CSMD1: variants seen among roughly 807,000 people sequenced by gnomAD.
CSMD1 encodes CUB and Sushi multiple domains 1, also known as CUB and sushi domain-containing protein 1.
In CSMD1, 213 loss-of-function variants were observed where a neutral mutation model predicts 417.5. The observed-to-expected ratio is 0.51, with a 90% CI of 0.46 to 0.57. The LOEUF (loss-of-function observed/expected upper bound fraction) is 0.57. CSMD1 is among the 20% of genes least tolerant of loss of function. CSMD1 has a pLI of 0.00. For missense variants in CSMD1, 6,923 were observed against 4,529.7 expected (o/e 1.53, Z -15.17); for synonymous variants, 2,862 against 1,736.8 (o/e 1.65, Z -16.11).
intron 52 of CSMD1, among the ~76,000 whole-genome samples, chr8:3,004,112 G>C (rs1408465179): frequency 6.6e-6 from 1 of 152,034 alleles, no homozygotes; most frequent in African/African-American, 2.4e-5. Context: ...ATGAACGTGG[G>C]GTGAGGGCAG....
At chr8:4,197,224 G>A (rs913997413) in intron 3 of CSMD1, among the ~76,000 whole-genome samples, 1 of 152,124 alleles carries the variant, frequency 6.6e-6, no homozygotes, top group Non-Finnish European at 1.5e-5. Context: ...CATGAATTCT[G>A]AGTTATTCAC....
At position 2,948,765 on chromosome 8, in the gene CSMD1, A is replaced by G. The variant is rs565446860; in HGVS notation, c.10402+534T>C. 6.6e-5 allele frequency among the ~76,000 whole-genome samples: 10 copies of G among 152,254 alleles called. No homozygotes were observed. In the East Asian group the frequency reaches 1.9e-3, roughly 29 times the overall value. ...CTAGACAGAAAATTGTTGGATGAACAAAGTACTGACCAATTGTATCTACCC... is the reference window on the plus strand; with the variant it reads ...CTAGACAGAAAATTGTTGGATGAACGAAGTACTGACCAATTGTATCTACCC... On this transcript the variant is annotated intron_variant, in intron 68 of 69. Transcript: ENST00000635120.
At chr8:4,412,873 G>T (rs562897871) in intron 3 of CSMD1, among the ~76,000 whole-genome samples, 1 of 152,086 alleles carries the variant, frequency 6.6e-6, no homozygotes, top group Non-Finnish European at 1.5e-5. Context: ...AAGGAATTCA[G>T]AACAAGAAAA....
chr8:4,943,220 G>C (rs1657813610), intron 1 of CSMD1, among the ~76,000 whole-genome samples: 1 of 152,128 alleles, frequency 6.6e-6, no homozygotes, highest in African/African-American at 2.4e-5. Flanking sequence ...TCATGGCCGG[G>C]TGCAGTGGCT....
intron 12 of CSMD1, among the ~76,000 whole-genome samples, chr8:3,409,866 AAATGCT>A (rs1250281824): frequency 6.6e-6 from 1 of 152,232 alleles, no homozygotes; most frequent in Admixed American, 6.5e-5. Context: ...CTGACAACAC[AAATGCT>A]GCAATTAATC....
At chr8:3,326,471 C>T (rs1806540339) in intron 23 of CSMD1, among the ~76,000 whole-genome samples, 1 of 152,204 alleles carries the variant, frequency 6.6e-6, no homozygotes, top group Non-Finnish European at 1.5e-5. Context: ...TACCGTGCTA[C>T]AAAGACACAT....
intron 1 of CSMD1, among the ~76,000 whole-genome samples, chr8:4,958,206 T>C (rs1001601352): frequency 2.0e-5 from 3 of 152,196 alleles, no homozygotes; most frequent in Admixed American, 2.0e-4. Flanking sequence ...TTCCACATTA[T>C]ATTTTTATAG....
intron 1 of CSMD1, among the ~76,000 whole-genome samples, chr8:4,936,243 T>C (rs1807611992): frequency 6.6e-6 from 1 of 152,224 alleles, no homozygotes; most frequent in South Asian, 2.1e-4. Context: ...CCCACAGATA[T>C]TATATCATCA....
intron 1 of CSMD1, among the ~76,000 whole-genome samples, chr8:4,768,135 G>A (rs553167435): frequency 1.3e-5 from 2 of 152,160 alleles, no homozygotes; most frequent in East Asian, 1.9e-4. Context: ...ATAAACAGAT[G>A]TTTTGGAAAA....
At position 3,753,995 on chromosome 8, in the gene CSMD1, C is replaced by T; in HGVS notation, c.866G>A (p.Trp289Ter). The T allele has an allele frequency of 6.2e-7, 1 of 1,612,750 alleles. No individual in the cohort carries two copies. Among genetic ancestry groups the T allele is most frequent in the Non-Finnish European group, 8.5e-7 (1 of 1,179,388 alleles). Reference sequence around the variant, plus strand: ...GTCAGAGGTGAAATGGAGTCGTAGCCAATTCTTGCTACTGATAACTGGAGA... The same window carrying T: ...GTCAGAGGTGAAATGGAGTCGTAGCTAATTCTTGCTACTGATAACTGGAGA... Reference protein sequence around the residue: ...LPSPVISSKNWLRLHFTSDSN... With the variant: ...LPSPVISSKN Residue 289 changes from tryptophan to a stop codon, truncating the protein, a stop_gained, in exon 6 of 70, where the codon TGG (tryptophan) becomes TAG (stop). Transcript: ENST00000635120. LOFTEE classifies it high-confidence loss of function.
At chr8:3,339,497 T>C (rs896747632) in intron 23 of CSMD1, among the ~76,000 whole-genome samples, 1 of 152,150 alleles carries the variant, frequency 6.6e-6, no homozygotes, top group Non-Finnish European at 1.5e-5. Flanking sequence ...AAAATAGATT[T>C]ATCTCATCAG....
At chr8:4,083,374 A>C (rs1431465399) in intron 3 of CSMD1, among the ~76,000 whole-genome samples, 3 of 152,114 alleles carry the variant, frequency 2.0e-5, no homozygotes, top group East Asian at 3.9e-4. Context: ...AGTGATGGTG[A>C]GCATTTTTTC....
chr8:3,837,456 G>C (rs763751029), intron 5 of CSMD1, among the ~76,000 whole-genome samples: 2 of 152,084 alleles, frequency 1.3e-5, no homozygotes, highest in East Asian at 1.9e-4. Flanking sequence ...TAAGAGAAGA[G>C]ATGTCCTCCT....
chr8:3,844,230 C>T, intron 5 of CSMD1, among the ~76,000 whole-genome samples: 1 of 152,072 alleles, frequency 6.6e-6, no homozygotes, highest in East Asian at 1.9e-4. Context: ...TGGCTTGTGG[C>T]TAAAATCTCT....
chr8:4,648,981 G>A (rs570354012), intron 1 of CSMD1, among the ~76,000 whole-genome samples: 4 of 152,318 alleles, frequency 2.6e-5, no homozygotes, highest in African/African-American at 9.6e-5. Context: ...GGGCCCTGGA[G>A]TAGTGCCTTC....
intron 15 of CSMD1, among the ~76,000 whole-genome samples, chr8:3,400,651 T>G (rs977284527): frequency 6.6e-6 from 1 of 151,972 alleles, no homozygotes; most frequent in Non-Finnish European, 1.5e-5. Flanking sequence ...ATCTTTGCAA[T>G]AGAATGTTAA....
chr8:3,437,665 T>A (rs1303786430), intron 12 of CSMD1, among the ~76,000 whole-genome samples: 1 of 152,250 alleles, frequency 6.6e-6, no homozygotes, highest in Non-Finnish European at 1.5e-5. Flanking sequence ...TTAACATTAA[T>A]GTTTTCCCTT....
intron 3 of CSMD1, among the ~76,000 whole-genome samples, chr8:4,036,117 C>T (rs12549043): frequency 0.067 from 10,228 of 152,254 alleles, 476 homozygotes; most frequent in Non-Finnish European, 0.098. Context: ...GAGTACTAGG[C>T]TACACCACAC....
At chr8:4,687,448 G>T (rs1169747920) in intron 1 of CSMD1, among the ~76,000 whole-genome samples, 1 of 152,206 alleles carries the variant, frequency 6.6e-6, no homozygotes, top group African/African-American at 2.4e-5. Flanking sequence ...TGATAATTTA[G>T]TCAACACTAA....
Sources: gnomAD v4.1 joint callset for allele counts (sites outside exome capture counted in the v4.1 genomes callset) on GRCh38, gnomAD v4.1.1 for gene constraint, MANE v1.5 for transcripts, NCBI Gene and HGNC (gene_info 2026-07-23, HGNC 2026-07-21) for gene names.